EYS: variants seen among roughly 807,000 people sequenced by gnomAD.
EYS encodes the protein protein eyes shut homolog.
In EYS, 250 loss-of-function variants were observed where a neutral mutation model predicts 282.1. The observed-to-expected ratio is 0.89, with a 90% CI of 0.80 to 0.98. The LOEUF (loss-of-function observed/expected upper bound fraction) is 0.98. Ranked by LOEUF, EYS falls within the 50% of genes least tolerant of loss-of-function variation. The probability of loss-of-function intolerance (pLI) is 0.00; values close to 1 mark genes in which losing one functional copy is unlikely to be tolerated. For synonymous variants in EYS, 1,355 were observed against 1,282.9 expected (o/e 1.06, Z -1.20); for missense variants, 4,016 against 3,709.0 (o/e 1.08, Z -2.15).
chr6:64,593,048 G>GAA, intron 25 of EYS, 69 bp downstream of exon 25: 1 of 1,194,506 alleles, frequency 8.4e-7, no homozygotes, highest in Admixed American at 3.7e-5. Context: ...TAATAATGCA[G>GAA]AAAATATGCT....
At chr6:64,633,421 T>C (rs181020505) in intron 22 of EYS, among the ~76,000 whole-genome samples, 5 of 152,040 alleles carry the variant, frequency 3.3e-5, no homozygotes, top group Admixed American at 2.6e-4. Context: ...TTTGAAATGA[T>C]CCATATGCAG....
chr6:65,011,821 C>T, intron 13 of EYS, among the ~76,000 whole-genome samples: 1 of 152,132 alleles, frequency 6.6e-6, no homozygotes, highest in Non-Finnish European at 1.5e-5. Flanking sequence ...AAAGAAATAG[C>T]CAATCATCTG....
Position 63,878,669 on chromosome 6 carries a change from C to T in EYS, c.7056-14311G>A, listed in dbSNP as rs376381086. On this transcript the variant is annotated intron_variant, in intron 35 of 42. Coordinates refer to ENST00000503581, the MANE Select transcript of EYS (RefSeq NM_001142800.2). ...TGCTTTGTTTACCTACTCAAGCCTC[C>T]GCCATGGCAGACGCCCCTCCCCCAC... Among the ~76,000 whole-genome samples the T allele has an allele frequency of 4.5e-4, 69 of 152,268 alleles. 1 individual carries two copies. The East Asian group carries it at 8.7e-3, about 19-fold the overall frequency.
At chr6:64,296,598 A>ATATATATT (rs1561913902) in intron 30 of EYS, among the ~76,000 whole-genome samples, 3 of 20,130 alleles carry the variant, frequency 1.5e-4, no homozygotes, top group Non-Finnish European at 9.8e-5. Context: ...ATATATATAT[A>ATATATATT]TTTTTTTTTT....
At chr6:65,035,446 A>T (rs1772737070) in intron 13 of EYS, among the ~76,000 whole-genome samples, 1 of 152,066 alleles carries the variant, frequency 6.6e-6, no homozygotes, top group African/African-American at 2.4e-5. Flanking sequence ...CATAGTCTCT[A>T]CCCAAAAGCT....
chr6:65,512,801 G>GCC (rs1562233062), intron 2 of EYS, among the ~76,000 whole-genome samples: 3 of 151,822 alleles, frequency 2.0e-5, no homozygotes, highest in African/African-American at 7.3e-5. Flanking sequence ...TGTGTAGAGG[G>GCC]AAATTTATAG....
chr6:65,282,187 G>A lies in EYS; in HGVS notation c.2023+13676C>T, dbSNP rs1368644859. 3.3e-5 allele frequency among the ~76,000 whole-genome samples: 5 copies of A among 151,798 alleles called. No individual in the cohort carries two copies. In the East Asian group the frequency reaches 9.7e-4, roughly 29 times the overall value. The stretch of plus-strand genomic sequence containing the variant: ...GCATGGTGAATATAGGTTAATAATA[G>A]AGTATTAAATACATTTCAAAATTAC... On this transcript the variant is annotated intron_variant, in intron 12 of 42. Coordinates refer to ENST00000503581, the MANE Select transcript of EYS (RefSeq NM_001142800.2).
intron 15 of EYS, among the ~76,000 whole-genome samples, chr6:64,938,701 G>A (rs1768992167): frequency 6.6e-6 from 1 of 151,586 alleles, no homozygotes; most frequent in South Asian, 2.1e-4. Context: ...GTAAGTTAAT[G>A]TAGGTTCTGA....
intron 36 of EYS, among the ~76,000 whole-genome samples, chr6:63,841,703 G>T (rs969701986): frequency 2.0e-5 from 3 of 152,076 alleles, no homozygotes; most frequent in Non-Finnish European, 4.4e-5. Flanking sequence ...GTGCTTTGCT[G>T]CACCCATCAA....
intron 5 of EYS, among the ~76,000 whole-genome samples, chr6:65,474,959 TAAG>T (rs1319828979): frequency 2.6e-5 from 4 of 152,018 alleles, no homozygotes; most frequent in Admixed American, 1.3e-4. Flanking sequence ...TGGCTGAGGA[TAAG>T]AAGAACATAG....
At chr6:64,350,229 A>T (rs1222622034) in intron 29 of EYS, among the ~76,000 whole-genome samples, 1 of 151,570 alleles carries the variant, frequency 6.6e-6, no homozygotes, top group Non-Finnish European at 1.5e-5. Flanking sequence ...TGGAATATAG[A>T]TTGAACAATT....
At chr6:65,563,583 A>T (rs1331206) in intron 2 of EYS, among the ~76,000 whole-genome samples, 82,649 of 151,658 alleles carry the variant, frequency 0.54, 22,508 homozygotes, top group East Asian at 0.7. Flanking sequence ...AGTTTTTTTT[A>T]TCTAAAGAAA....
At chr6:65,279,190 A>C (rs1275070079) in intron 12 of EYS, among the ~76,000 whole-genome samples, 2 of 149,270 alleles carry the variant, frequency 1.3e-5, no homozygotes, top group Non-Finnish European at 3.0e-5. Context: ...CTCTGGCTCT[A>C]TAAAAAAAAA....
chr6:65,459,609 C>T (rs1166121356), intron 5 of EYS, among the ~76,000 whole-genome samples: 1 of 151,204 alleles, frequency 6.6e-6, no homozygotes, highest in African/African-American at 2.4e-5. Context: ...ACCAAAGATG[C>T]TAAGGCAAGA....
chr6:64,014,078 T>A (rs1768771383), intron 33 of EYS, among the ~76,000 whole-genome samples: 1 of 152,154 alleles, frequency 6.6e-6, no homozygotes, highest in African/African-American at 2.4e-5. Context: ...AAACATTGAT[T>A]TCTGATCCTT....
chr6:64,138,244 A>G (rs1489836187), intron 31 of EYS, among the ~76,000 whole-genome samples: 1 of 152,198 alleles, frequency 6.6e-6, no homozygotes, highest in Non-Finnish European at 1.5e-5. Context: ...AGAAAAAGAA[A>G]AAGAGGAATG....
At chr6:63,866,970 G>T (rs919553167) in intron 35 of EYS, among the ~76,000 whole-genome samples, 2 of 152,096 alleles carry the variant, frequency 1.3e-5, no homozygotes, top group Non-Finnish European at 2.9e-5. Context: ...GTTATACCTG[G>T]ACTCAAAGGT....
At chr6:64,545,138 C>T (rs1433608953) in intron 26 of EYS, among the ~76,000 whole-genome samples, 1 of 152,088 alleles carries the variant, frequency 6.6e-6, no homozygotes, top group Non-Finnish European at 1.5e-5. Context: ...ACTGGTAAAC[C>T]AAATCCAGCA....
intron 9 of EYS, among the ~76,000 whole-genome samples, chr6:65,348,967 AT>A (rs1220305397): frequency 6.6e-6 from 1 of 151,554 alleles, no homozygotes; most frequent in Non-Finnish European, 1.5e-5. Context: ...ATTCTCTAAT[AT>A]TTTTATACTT....
Sources: gnomAD v4.1 joint callset for allele counts (sites outside exome capture counted in the v4.1 genomes callset) on GRCh38, gnomAD v4.1.1 for gene constraint, MANE v1.5 for transcripts, NCBI Gene and HGNC (gene_info 2026-07-23, HGNC 2026-07-21) for gene names.